Variants in LRCH1 observed in about 807,000 individuals in gnomAD.
The protein encoded by LRCH1 is leucine rich repeats and calponin homology domain containing 1.
A neutral mutation model predicts 94.9 loss-of-function variants in LRCH1; 23 were observed. The observed-to-expected ratio is 0.24, with a 90% confidence interval of 0.17 to 0.34. The LOEUF (loss-of-function observed/expected upper bound fraction) is 0.34, where lower values mean the gene tolerates loss of function less well. Among genes scored for constraint, LRCH1 ranks in the 10% least tolerant of loss-of-function variants. The pLI, the probability that LRCH1 is intolerant of heterozygous loss-of-function variation, is 1.00. For synonymous variants in LRCH1, 364 were observed against 354.9 expected (o/e 1.03, Z -0.29); for missense variants, 790 against 945.9 (o/e 0.84, Z 2.16).
chr13:46,640,307 A>T (rs1194846902), intron 1 of LRCH1, among the ~76,000 whole-genome samples: 2 of 152,240 alleles, frequency 1.3e-5, no homozygotes, highest in Non-Finnish European at 2.9e-5. Flanking sequence ...TATATGTATC[A>T]TCCCATTCAG....
intron 1 of LRCH1, among the ~76,000 whole-genome samples, chr13:46,590,811 C>G (rs2050490875): frequency 6.6e-6 from 1 of 152,204 alleles, no homozygotes; most frequent in African/African-American, 2.4e-5. Context: ...TTTCTCTTCC[C>G]TAGTTTAGCT....
At chr13:46,635,212 G>T (rs4942561) in intron 1 of LRCH1, among the ~76,000 whole-genome samples, 116,797 of 152,074 alleles carry the variant, frequency 0.77, 45,049 homozygotes, top group East Asian at 0.91. Context: ...ACACCGCCGT[G>T]CTCTTCTGCA....
At chr13:46,577,975 C>A (rs1269857910) in intron 1 of LRCH1, among the ~76,000 whole-genome samples, 1 of 152,206 alleles carries the variant, frequency 6.6e-6, no homozygotes, top group African/African-American at 2.4e-5. Flanking sequence ...AAGGGAATCC[C>A]CGTCAGCTTT....
At chr13:46,604,997 T>C (rs1481806290) in intron 1 of LRCH1, among the ~76,000 whole-genome samples, 1 of 152,232 alleles carries the variant, frequency 6.6e-6, no homozygotes, top group Non-Finnish European at 1.5e-5. Context: ...GCCTGGCTAA[T>C]TGACAGCCAA....
At position 46,692,199 on chromosome 13, in the gene LRCH1, G is replaced by A. The variant is rs1398142711; in HGVS notation, c.1015-337G>A. 2.0e-5 allele frequency among the ~76,000 whole-genome samples: 3 copies of A among 152,236 alleles called. No individual in the cohort carries two copies. In the East Asian group the frequency reaches 5.8e-4, roughly 29 times the overall value. On this transcript the variant is annotated intron_variant, in intron 7 of 19. Coordinates refer to ENST00000389797, the MANE Select transcript of LRCH1 (RefSeq NM_001164211.2). ...ACAAGATTTCAGCTTAAAACAGAGA[G>A]AAGAAAACACAGAGAAGCCCATAAG...
At chr13:46,674,859 G>A (rs949345731) in intron 3 of LRCH1, among the ~76,000 whole-genome samples, 19 of 152,150 alleles carry the variant, frequency 1.2e-4, no homozygotes, top group Admixed American at 8.5e-4. Context: ...TTTAATCAGC[G>A]TCCTCACCAC....
chr13:46,639,212 C>T (rs555257651), intron 1 of LRCH1, among the ~76,000 whole-genome samples: 6 of 152,270 alleles, frequency 3.9e-5, no homozygotes, highest in South Asian at 2.1e-4. Context: ...AAGCAGCAGC[C>T]GTAGCGTCCA....
intron 1 of LRCH1, among the ~76,000 whole-genome samples, chr13:46,623,696 T>G (rs2050908943): frequency 6.7e-6 from 1 of 150,266 alleles, no homozygotes; most frequent in Admixed American, 6.6e-5. Context: ...TGTCTCTGTT[T>G]TTTTTTTTTT....
At position 46,698,230 on chromosome 13, in the gene LRCH1, A is replaced by T. The variant is rs555346316; in HGVS notation, c.1246-1106A>T. 1.8e-4 allele frequency among the ~76,000 whole-genome samples: 28 copies of T among 152,340 alleles called. No individual in the cohort carries two copies. In the South Asian group the frequency reaches 4.8e-3, roughly 26 times the overall value. On this transcript the variant is annotated intron_variant, in intron 9 of 19. Transcript: ENST00000389797. ...CTGGCTGGTCCCCAGTTAGCTAATG[A>T]TATGCCAGAACCTTGACACCAAAAA...
chr13:46,646,212 T>G (rs1343705966), intron 1 of LRCH1, among the ~76,000 whole-genome samples: 1 of 152,250 alleles, frequency 6.6e-6, no homozygotes, highest in African/African-American at 2.4e-5. Context: ...TCTTTTTAAG[T>G]GAAATGAAAT....
At chr13:46,607,988 T>C (rs541248572) in intron 1 of LRCH1, among the ~76,000 whole-genome samples, 5 of 152,208 alleles carry the variant, frequency 3.3e-5, no homozygotes, top group South Asian at 4.2e-4. Context: ...ACAGGAGATA[T>C]GAGTTTGCAG....
At chr13:46,634,294 C>T (rs1031396244) in intron 1 of LRCH1, among the ~76,000 whole-genome samples, 11 of 152,216 alleles carry the variant, frequency 7.2e-5, no homozygotes, top group Admixed American at 1.3e-4. Context: ...CTAAGGTCTG[C>T]GAATTCTACC....
intron 1 of LRCH1, among the ~76,000 whole-genome samples, chr13:46,564,544 ACT>A (rs1362962990): frequency 6.6e-6 from 1 of 152,138 alleles, no homozygotes; most frequent in East Asian, 1.9e-4. Context: ...TGATCAGGGC[ACT>A]CAGCGGCTGG....
chr13:46,613,839 G>C (rs2050774630), intron 1 of LRCH1, among the ~76,000 whole-genome samples: 1 of 152,126 alleles, frequency 6.6e-6, no homozygotes, highest in African/African-American at 2.4e-5. Context: ...CCACTCCAGG[G>C]CTTTTGAAGT....
rs145252702 is a variant in LRCH1 at position 46,621,787 on chromosome 13, A to T, written c.308-28414A>T. The stretch of plus-strand genomic sequence containing the variant: ...AGCTTCATTGTAATCAGTAAAAATA[A>T]TTTTTAAGACAATTGTTATTTTTTG... On this transcript the variant is annotated intron_variant, in intron 1 of 19. Transcript: ENST00000389797. Among the ~76,000 whole-genome samples the T allele has an allele frequency of 1.6e-3, 242 of 152,344 alleles. 1 individual carries two copies. The highest frequency in any genetic ancestry group is 5.6e-3 in the African/African-American group (233 of 41,580).
chr13:46,667,457 A>G (rs2051532000), intron 2 of LRCH1, among the ~76,000 whole-genome samples: 1 of 145,568 alleles, frequency 6.9e-6, no homozygotes, highest in African/African-American at 2.5e-5. Context: ...GTTCTCACTC[A>G]TAGGTGGGAA....
chr13:46,586,102 C>G (rs1052999933), intron 1 of LRCH1, among the ~76,000 whole-genome samples: 1 of 152,024 alleles, frequency 6.6e-6, no homozygotes, highest in Non-Finnish European at 1.5e-5. Context: ...AGCTTCCAGC[C>G]CCAGGAACAT....
intron 1 of LRCH1, among the ~76,000 whole-genome samples, chr13:46,644,847 A>G (rs1223134857): frequency 6.6e-6 from 1 of 152,234 alleles, no homozygotes; most frequent in African/African-American, 2.4e-5. Context: ...AAAAAAGTAC[A>G]TATAGAATAG....
At position 46,742,179 on chromosome 13, in the gene LRCH1, G is replaced by T; in HGVS notation, c.*331G>T. ...GGTGAGCTGCTGCCCTGGGCAGAGG[G>T]GAGGAGAATTCCAGGACAAGAGTGT... is the stretch of plus-strand genomic sequence containing the variant. On this transcript the variant is annotated 3_prime_UTR_variant, in exon 20 of 20. Transcript: ENST00000389797. The T allele has an allele frequency of 8.6e-7, 1 of 1,159,682 alleles. No homozygotes were observed. The highest frequency in any genetic ancestry group is 2.3e-5 in the South Asian group (1 of 42,582). The allele number at this position is 1,159,682 out of a possible 1,614,324, so 71.8% of individuals were successfully genotyped here. A position where few individuals can be genotyped will look rare whatever the true frequency, so the allele number is the denominator to read the frequency against.
Sources: gnomAD v4.1 joint callset for allele counts (sites outside exome capture counted in the v4.1 genomes callset) on GRCh38, gnomAD v4.1.1 for gene constraint, MANE v1.5 for transcripts, NCBI Gene and HGNC (gene_info 2026-07-23, HGNC 2026-07-21) for gene names.